GUCY1A2: variants seen among roughly 807,000 people sequenced by gnomAD.
GUCY1A2 encodes the protein guanylate cyclase soluble subunit alpha-2.
A neutral mutation model predicts 63.5 loss-of-function variants in GUCY1A2; 27 were observed. The observed-to-expected ratio is 0.43, with a 90% CI of 0.31 to 0.59. The LOEUF is 0.59. Among genes scored for constraint, GUCY1A2 ranks in the 20% least tolerant of loss-of-function variants. GUCY1A2 has a pLI of 0.11. For missense variants in GUCY1A2, 768 were observed against 913.3 expected (o/e 0.84, Z 2.05); for synonymous variants, 364 against 343.5 (o/e 1.06, Z -0.66).
In GUCY1A2 at chr11:107,013,293, C is replaced by T. The variant is rs111818718; in HGVS notation, c.303+4460G>A. Among the ~76,000 whole-genome samples, 145 of 152,248 alleles carry T rather than the reference C, an allele frequency of 9.5e-4. 1 individual carries two copies. Among genetic ancestry groups the T allele is most frequent in the African/African-American group, 3.4e-3 (141 of 41,546 alleles). On this transcript the variant is annotated intron_variant, in intron 1 of 7. Coordinates refer to ENST00000526355, the MANE Select transcript of GUCY1A2 (RefSeq NM_000855.3). ...TCAAGAAACCTAGAGAAGCCTTGCC[C>T]TTATATGACTCTAGTGGTGTATCTT... is the stretch of plus-strand genomic sequence containing the variant.
At chr11:106,803,287 T>C (rs1350238991) in intron 5 of GUCY1A2, among the ~76,000 whole-genome samples, 1 of 152,180 alleles carries the variant, frequency 6.6e-6, no homozygotes, top group African/African-American at 2.4e-5. Context: ...ATTCAGAGTA[T>C]GCAGATGGAA....
intron 6 of GUCY1A2, among the ~76,000 whole-genome samples, chr11:106,775,105 T>A (rs753216377): frequency 6.6e-6 from 1 of 152,158 alleles, no homozygotes; most frequent in Non-Finnish European, 1.5e-5. Context: ...TTATTACTCG[T>A]TTTAATAACC....
At chr11:106,945,655 T>C (rs1251556513) in intron 3 of GUCY1A2, among the ~76,000 whole-genome samples, 1 of 152,226 alleles carries the variant, frequency 6.6e-6, no homozygotes, top group Non-Finnish European at 1.5e-5. Context: ...AGTTGTAGTA[T>C]GAACATTAAT....
At chr11:106,758,664 A>C (rs1864014583) in intron 6 of GUCY1A2, among the ~76,000 whole-genome samples, 1 of 152,218 alleles carries the variant, frequency 6.6e-6, no homozygotes, top group Non-Finnish European at 1.5e-5. Flanking sequence ...TTCAACAACT[A>C]GCTTGAGAAC....
intron 6 of GUCY1A2, among the ~76,000 whole-genome samples, chr11:106,775,445 A>G (rs1864338583): frequency 6.7e-6 from 1 of 150,266 alleles, no homozygotes; most frequent in Admixed American, 6.7e-5. Context: ...CATTGCTAAT[A>G]ACAGGGCTCT....
chr11:106,907,272 A>T (rs1401471229), intron 4 of GUCY1A2, among the ~76,000 whole-genome samples: 1 of 151,876 alleles, frequency 6.6e-6, no homozygotes, highest in African/African-American at 2.4e-5. Flanking sequence ...TTGTGCCTGA[A>T]TCCTTTTTTT....
intron 5 of GUCY1A2, among the ~76,000 whole-genome samples, chr11:106,800,643 A>C (rs1033824869): frequency 1.3e-5 from 2 of 152,166 alleles, no homozygotes; most frequent in Non-Finnish European, 2.9e-5. Context: ...CAAGGACAAA[A>C]AACCAAACAC....
intron 4 of GUCY1A2, among the ~76,000 whole-genome samples, chr11:106,894,124 A>G (rs1860012500): frequency 6.6e-6 from 1 of 152,198 alleles, no homozygotes; most frequent in Non-Finnish European, 1.5e-5. Context: ...CCCAACTCCA[A>G]TCAACTCTAG....
intron 5 of GUCY1A2, among the ~76,000 whole-genome samples, chr11:106,802,438 T>C (rs1858622698): frequency 6.6e-6 from 1 of 152,188 alleles, no homozygotes; most frequent in Non-Finnish European, 1.5e-5. Flanking sequence ...CGGTAGCATT[T>C]ATTCTTATTA....
rs138971704 is a variant in GUCY1A2, at chr11:106,737,131, T to G, written c.1837-28465A>C. Among the ~76,000 whole-genome samples the G allele has an allele frequency of 1.8e-4, 28 of 152,302 alleles. No individual in the cohort carries two copies. The East Asian group carries it at 4.4e-3, about 24-fold the overall frequency. On this transcript the variant is annotated intron_variant, in intron 6 of 7. Coordinates refer to ENST00000526355, the MANE Select transcript of GUCY1A2 (RefSeq NM_000855.3). ...TTTCATTGTAGACGCACATTTTGAT[T>G]TTTAAAACAAGTACAAAAAAAGAAC...
chr11:106,827,861 T>C, intron 4 of GUCY1A2: 1 of 1,598,198 alleles, frequency 6.3e-7, no homozygotes, highest in East Asian at 2.2e-5. Flanking sequence ...TGAACTTCCC[T>C]GCAGTCATGG....
chr11:106,887,891 T>G (rs970373662), intron 4 of GUCY1A2, among the ~76,000 whole-genome samples: 6 of 152,174 alleles, frequency 3.9e-5, no homozygotes, highest in Admixed American at 3.9e-4. Context: ...AGCCTTATAT[T>G]CCCATTATTA....
rs375685518 is a variant in GUCY1A2 at position 106,749,276 on chromosome 11, G to T, written c.1836+27163C>A. 3.3e-5 allele frequency among the ~76,000 whole-genome samples: 5 copies of T among 152,098 alleles called. No homozygotes were observed. In the East Asian group the frequency reaches 5.8e-4, roughly 18 times the overall value. ...GATTCATTTCTCAGATCATATCCCT[G>T]TCATTAAGCGACACATAAATAACTG... On this transcript the variant is annotated intron_variant, in intron 6 of 7. Transcript: ENST00000526355.
intron 6 of GUCY1A2, among the ~76,000 whole-genome samples, chr11:106,709,284 T>A (rs867565597): frequency 0.022 from 1,227 of 55,926 alleles, 33 homozygotes; most frequent in African/African-American, 0.13. Flanking sequence ...TATATAAATT[T>A]ATATATATTT....
Position 106,678,098 on chromosome 11 carries a change from C to T in GUCY1A2, c.*9451G>A, listed in dbSNP as rs1323240079. 1.0e-5 allele frequency: 2 copies of T among 199,336 alleles called. No individual in the cohort carries two copies. Among genetic ancestry groups the T allele is most frequent in the East Asian group, 7.7e-5 (1 of 12,974 alleles). The allele number at this position is 199,336 out of a possible 1,614,324, so 12.3% of individuals were successfully genotyped here. A position where few individuals can be genotyped will look rare whatever the true frequency, so the allele number is the denominator to read the frequency against. ...TGCCATCCATTAATAATAATTTTTA[C>T]ACAGGAACAAAAATTAAAGAATTTT... On this transcript the variant is annotated 3_prime_UTR_variant, in exon 8 of 8. Coordinates refer to ENST00000526355, the MANE Select transcript of GUCY1A2 (RefSeq NM_000855.3).
rs1193809480 is a variant in GUCY1A2 at position 106,678,354 on chromosome 11, A to G, written c.*9195T>C. ...TCAGAAGGAGGGTTTCACATTATTG[A>G]TAAATCAACTAGCTGTTTTCATATT... On this transcript the variant is annotated 3_prime_UTR_variant, in exon 8 of 8. Transcript: ENST00000526355. 9.5e-6 allele frequency: 2 copies of G among 209,978 alleles called. No individual in the cohort carries two copies. The highest frequency in any genetic ancestry group is 1.9e-5 in the Non-Finnish European group (2 of 103,296). 13.0% of individuals were successfully genotyped at this position (209,978 alleles called of 1,614,324 possible). A position where few individuals can be genotyped will look rare whatever the true frequency, so the allele number is the denominator to read the frequency against.
At chr11:106,721,065 AT>A (rs71041688) in intron 6 of GUCY1A2, among the ~76,000 whole-genome samples, 154 of 144,966 alleles carry the variant, frequency 1.1e-3, no homozygotes, top group Admixed American at 1.8e-3. Context: ...ATATTTGCAA[AT>A]TTTTTTTTTT....
chr11:106,955,321 A>G (rs1389826169), intron 3 of GUCY1A2, among the ~76,000 whole-genome samples: 1 of 152,138 alleles, frequency 6.6e-6, no homozygotes, highest in African/African-American at 2.4e-5. Context: ...TAGTATTGTT[A>G]TGTGTGAATT....
At chr11:107,016,071 A>T (rs1227977240) in intron 1 of GUCY1A2, among the ~76,000 whole-genome samples, 2 of 152,218 alleles carry the variant, frequency 1.3e-5, no homozygotes, top group Non-Finnish European at 2.9e-5. Context: ...CATTAATACA[A>T]GTGCCACAAG....
Sources: allele counts gnomAD v4.1 joint callset (sites outside exome capture counted in the v4.1 genomes callset), GRCh38; gene constraint gnomAD v4.1.1; transcripts MANE v1.5; gene names NCBI Gene and HGNC (gene_info 2026-07-23, HGNC 2026-07-21).